TRIM44: variants seen among roughly 807,000 people sequenced by gnomAD.
TRIM44 encodes tripartite motif-containing protein 44.
TRIM44 carries 13 observed loss-of-function variants against 37.4 expected under a neutral mutation model. The observed-to-expected ratio is 0.35, with a 90% CI of 0.23 to 0.55. The LOEUF is 0.55. Among genes scored for constraint, TRIM44 ranks in the 20% least tolerant of loss-of-function variants. TRIM44 has a pLI of 0.89. For missense variants in TRIM44, 426 were observed against 437.2 expected, an observed-to-expected ratio of 0.97 and a Z score of 0.23; for synonymous variants, 175 against 157.2, an observed-to-expected ratio of 1.11 and a Z score of -0.85.
chr11:35,761,407 A>C (rs79067210), intron 4 of TRIM44, among the ~76,000 whole-genome samples: 53 of 133,136 alleles, frequency 4.0e-4, no homozygotes, highest in Admixed American at 8.0e-4. Context: ...CTCTCTCTCT[A>C]TATATATATG....
At chr11:35,783,051 C>T (rs984580240) in intron 4 of TRIM44, among the ~76,000 whole-genome samples, 1 of 152,148 alleles carries the variant, frequency 6.6e-6, no homozygotes, top group Non-Finnish European at 1.5e-5. Flanking sequence ...TGTAGGTATG[C>T]TTGTTACACA....
chr11:35,772,630 G>T (rs564967793), intron 4 of TRIM44, among the ~76,000 whole-genome samples: 2 of 152,240 alleles, frequency 1.3e-5, no homozygotes, highest in Non-Finnish European at 2.9e-5. Flanking sequence ...CATGGGGCTG[G>T]TAGCCCCTTT....
chr11:35,734,213 T>G (rs570262850), intron 3 of TRIM44, among the ~76,000 whole-genome samples: 9 of 152,348 alleles, frequency 5.9e-5, no homozygotes, highest in African/African-American at 2.2e-4. Flanking sequence ...AGCTTCTTAA[T>G]GAATCCTACT....
chr11:35,663,746 T>C lies in TRIM44; in HGVS notation c.635T>C (p.Leu212Pro). 1 of 1,613,974 alleles carries C rather than the reference T, an allele frequency of 6.2e-7. No homozygotes were observed. The highest frequency in any genetic ancestry group is 8.5e-7 in the Non-Finnish European group (1 of 1,180,004). The change falls in exon 1 of 5, where the codon CTC becomes CCC. Residue 212 changes from leucine to proline, a missense_variant. Physicochemically the swap from Leu to Pro is moderately conservative, Grantham distance 98 (BLOSUM62 -3). This residue lies in a region of TRIM44 where 331 missense variants were observed against 303.0 expected (regional missense o/e 1.09). Transcript: ENST00000299413. The part of the protein sequence containing the change: ...PVIGAHQGHQ[L>P]STLDEAFEEL... The stretch of plus-strand genomic sequence containing the variant: ...ATTGGGGCTCACCAGGGCCACCAAC[T>C]CTCCACCCTAGACGAAGCCTTTGAA...
At chr11:35,765,213 C>T (rs1472549086) in intron 4 of TRIM44, among the ~76,000 whole-genome samples, 1 of 152,004 alleles carries the variant, frequency 6.6e-6, no homozygotes, top group Non-Finnish European at 1.5e-5. Flanking sequence ...TTGATTTATT[C>T]CACAAACATG....
chr11:35,779,950 G>T (rs1384212195), intron 4 of TRIM44, among the ~76,000 whole-genome samples: 1 of 144,084 alleles, frequency 6.9e-6, no homozygotes, highest in African/African-American at 2.6e-5. Flanking sequence ...TCTCTATTCT[G>T]TTCCATTGAT....
At chr11:35,680,927 C>A (rs1396912222) in intron 1 of TRIM44, among the ~76,000 whole-genome samples, 2 of 151,778 alleles carry the variant, frequency 1.3e-5, no homozygotes, top group African/African-American at 4.8e-5. Flanking sequence ...CTCGTTTGTT[C>A]ATTTTTTTTT....
chr11:35,688,614 A>G (rs1221076072), intron 2 of TRIM44, among the ~76,000 whole-genome samples: 1 of 152,210 alleles, frequency 6.6e-6, no homozygotes, highest in Non-Finnish European at 1.5e-5. Flanking sequence ...TGTCAAAAAT[A>G]TAGACTTGAT....
intron 4 of TRIM44, among the ~76,000 whole-genome samples, chr11:35,744,026 T>C (rs981969739): frequency 1.3e-5 from 2 of 152,240 alleles, no homozygotes; most frequent in African/African-American, 4.8e-5. Context: ...GTAAGCACCC[T>C]GTGCACAACT....
rs150473284 is a variant in TRIM44, at chr11:35,702,188, C to T, written c.747+16852C>T. 5.6e-4 allele frequency among the ~76,000 whole-genome samples: 85 copies of T among 152,300 alleles called. 1 individual carries two copies. The highest frequency in any genetic ancestry group is 2.0e-3 in the African/African-American group (83 of 41,566). On this transcript the variant is annotated intron_variant, in intron 2 of 4. Coordinates refer to ENST00000299413, the MANE Select transcript of TRIM44 (RefSeq NM_017583.6). ...ATTGAACTGGCAGGACTCAAACTTG[C>T]CCTTGGTTGGACCCTGTCACCTTTA...
At chr11:35,779,197 T>C in intron 4 of TRIM44, among the ~76,000 whole-genome samples, 1 of 152,222 alleles carries the variant, frequency 6.6e-6, no homozygotes, top group South Asian at 2.1e-4. Context: ...CTGACTGCTG[T>C]GCTTGCTAGC....
chr11:35,731,502 C>T (rs1358125734), intron 3 of TRIM44, among the ~76,000 whole-genome samples: 1 of 152,094 alleles, frequency 6.6e-6, no homozygotes, highest in Non-Finnish European at 1.5e-5. Context: ...TGTCTTTGTT[C>T]ATAAGGCATA....
intron 4 of TRIM44, among the ~76,000 whole-genome samples, chr11:35,746,608 G>T (rs1852495817): frequency 6.6e-6 from 1 of 152,046 alleles, no homozygotes. Flanking sequence ...GAAGTTCAGA[G>T]TCGATGAGTG....
chr11:35,706,953 G>A (rs1851893675), intron 2 of TRIM44, among the ~76,000 whole-genome samples: 2 of 151,404 alleles, frequency 1.3e-5, no homozygotes, highest in South Asian at 4.2e-4. Context: ...TATTCAATTA[G>A]GAAAAGAGGA....
At chr11:35,774,520 G>A (rs1377182926) in intron 4 of TRIM44, among the ~76,000 whole-genome samples, 1 of 152,188 alleles carries the variant, frequency 6.6e-6, no homozygotes, top group Non-Finnish European at 1.5e-5. Flanking sequence ...TGCTTTTGGT[G>A]TTTTAATCAT....
rs1853581141 is a variant in TRIM44, at chr11:35,816,444, C to T, written c.*10059C>T. On this transcript the variant is annotated 3_prime_UTR_variant, in exon 5 of 5. Coordinates refer to ENST00000299413, the MANE Select transcript of TRIM44 (RefSeq NM_017583.6). The stretch of plus-strand genomic sequence containing the variant: ...ACTCATAAAAACACTTTTCTGCCTT[C>T]TACAGTATAAACACAACTGGCATCA... 6.6e-6 allele frequency: 1 copy of T among 152,146 alleles called. No individual in the cohort carries two copies. The highest frequency in any genetic ancestry group is 2.4e-5 in the African/African-American group (1 of 41,420). 9.4% of individuals were successfully genotyped at this position (152,146 alleles called of 1,614,324 possible). A position where few individuals can be genotyped will look rare whatever the true frequency, so the allele number is the denominator to read the frequency against.
intron 4 of TRIM44, among the ~76,000 whole-genome samples, chr11:35,778,170 T>A (rs570404319): frequency 4.0e-4 from 61 of 152,316 alleles, no homozygotes; most frequent in African/African-American, 1.3e-3. Context: ...TACTCTTTTT[T>A]CTCTAAACTT....
intron 1 of TRIM44, among the ~76,000 whole-genome samples, chr11:35,669,322 CCT>C (rs939216026): frequency 1.3e-5 from 2 of 152,052 alleles, no homozygotes; most frequent in African/African-American, 2.4e-5. Flanking sequence ...ATTTTTTCCC[CCT>C]CTCTGTTTTG....
At chr11:35,756,584 A>C (rs1246053352) in intron 4 of TRIM44, among the ~76,000 whole-genome samples, 1 of 152,048 alleles carries the variant, frequency 6.6e-6, no homozygotes, top group African/African-American at 2.4e-5. Flanking sequence ...GTCTTGTGCC[A>C]GTTTTCAAAG....
Sources: gnomAD v4.1 joint callset for allele counts (sites outside exome capture counted in the v4.1 genomes callset) on GRCh38, gnomAD v4.1.1 for gene constraint, gnomAD v4.1.1 regional missense constraint, MANE v1.5 for transcripts, NCBI Gene and HGNC (gene_info 2026-07-23, HGNC 2026-07-21) for gene names.